Variants in ADAM18 observed in about 807,000 individuals in gnomAD.
ADAM18 encodes the protein ADAM metallopeptidase domain 18.
In ADAM18, 117 loss-of-function variants were observed where a neutral mutation model predicts 94.4. That is an observed-to-expected ratio of 1.24 (90% CI 1.07 to 1.45). The LOEUF is 1.45. ADAM18 is among the 40% of genes most tolerant of loss of function. ADAM18 has a pLI of 0.00. For synonymous variants in ADAM18, 327 were observed against 291.6 expected, an observed-to-expected ratio of 1.12 and a Z score of -1.24; for missense variants, 936 against 880.0, an observed-to-expected ratio of 1.06 and a Z score of -0.81.
At chr8:39,606,014 G>C (rs1177014716) in intron 2 of ADAM18, among the ~76,000 whole-genome samples, 1 of 152,024 alleles carries the variant, frequency 6.6e-6, no homozygotes, top group African/African-American at 2.4e-5. Flanking sequence ...ACTCACCCAG[G>C]TCACTGCAAA....
At chr8:39,726,358 C>T (rs963978291) in intron 19 of ADAM18, among the ~76,000 whole-genome samples, 5 of 151,754 alleles carry the variant, frequency 3.3e-5, no homozygotes, top group South Asian at 2.1e-4. Context: ...AACTCTTGAG[C>T]GCAAGTGGTC....
chr8:39,662,050 ATTAT>A lies in ADAM18; in HGVS notation c.1231-1741_1231-1738del, dbSNP rs747593405. Among the ~76,000 whole-genome samples the A allele has an allele frequency of 4.0e-5, 6 of 151,878 alleles. No homozygotes were observed. The East Asian group carries it at 5.8e-4, about 15-fold the overall frequency. ...CTATGCAAAATGGTCAAAATATATGATTATTTAATTCATAAATAAAATTGCACAA... is the reference window on the plus strand; with the variant it reads ...CTATGCAAAATGGTCAAAATATATGATTAATTCATAAATAAAATTGCACAA... On this transcript the variant is annotated intron_variant, in intron 12 of 19. Coordinates refer to ENST00000265707, the MANE Select transcript of ADAM18 (RefSeq NM_014237.3).
chr8:39,623,507 ATT>A (rs59705229), intron 6 of ADAM18, among the ~76,000 whole-genome samples: 447 of 147,776 alleles, frequency 3.0e-3, no homozygotes, highest in Middle Eastern at 3.5e-3. Flanking sequence ...ACATGCACAC[ATT>A]TTTTTTTTTT....
chr8:39,647,950 A>G (rs918802801), intron 11 of ADAM18, among the ~76,000 whole-genome samples: 15 of 152,168 alleles, frequency 9.9e-5, no homozygotes, highest in African/African-American at 3.4e-4. Flanking sequence ...TTCTCTTTCT[A>G]CATAGACAGA....
At chr8:39,631,746 C>T (rs1819936515) in intron 7 of ADAM18, among the ~76,000 whole-genome samples, 1 of 151,990 alleles carries the variant, frequency 6.6e-6, no homozygotes, top group Non-Finnish European at 1.5e-5. Context: ...GAATGGTTAG[C>T]TCACTTTGGA....
intron 14 of ADAM18, among the ~76,000 whole-genome samples, chr8:39,673,547 T>G (rs1301923074): frequency 6.7e-6 from 1 of 148,440 alleles, no homozygotes; most frequent in Non-Finnish European, 1.5e-5. Flanking sequence ...AATTCCCACC[T>G]ATGAGTGAGA....
intron 7 of ADAM18, among the ~76,000 whole-genome samples, chr8:39,630,820 T>C (rs1819912541): frequency 6.6e-6 from 1 of 151,972 alleles, no homozygotes; most frequent in African/African-American, 2.4e-5. Context: ...TGAAAAGTTA[T>C]TATAGTAATT....
At chr8:39,626,107 G>T (rs560502710) in intron 6 of ADAM18, among the ~76,000 whole-genome samples, 1 of 152,088 alleles carries the variant, frequency 6.6e-6, no homozygotes, top group Non-Finnish European at 1.5e-5. Context: ...TATTGGTCTA[G>T]TCAGGATTTC....
chr8:39,606,867 G>A (rs930233033), intron 3 of ADAM18, among the ~76,000 whole-genome samples: 1 of 152,142 alleles, frequency 6.6e-6, no homozygotes, highest in Non-Finnish European at 1.5e-5. Flanking sequence ...TTCTCTGGCG[G>A]GCAGGGGCGG....
At chr8:39,710,723 G>A (rs962211924) in intron 18 of ADAM18, among the ~76,000 whole-genome samples, 22 of 152,272 alleles carry the variant, frequency 1.4e-4, no homozygotes, top group African/African-American at 5.1e-4. Flanking sequence ...GAGTATTGTT[G>A]ATTACACTGG....
At chr8:39,603,757 AAGT>A (rs1818978453) in intron 2 of ADAM18, among the ~76,000 whole-genome samples, 1 of 152,156 alleles carries the variant, frequency 6.6e-6, no homozygotes, top group Non-Finnish European at 1.5e-5. Context: ...TTCAATTTTG[AAGT>A]AGTAGTTTTT....
intron 12 of ADAM18, among the ~76,000 whole-genome samples, chr8:39,663,001 T>C (rs144096210): frequency 1.5e-3 from 222 of 152,272 alleles, no homozygotes; most frequent in African/African-American, 4.7e-3. Context: ...ATTTCTATTA[T>C]AGTAAAACAT....
At chr8:39,637,021 A>T (rs879601811) in intron 7 of ADAM18, among the ~76,000 whole-genome samples, 44 of 22,054 alleles carry the variant, frequency 2.0e-3, no homozygotes, top group African/African-American at 9.6e-3. Flanking sequence ...TGTGTATTTT[A>T]TATATATATA....
chr8:39,639,047 A>T (rs1820164175), intron 10 of ADAM18, among the ~76,000 whole-genome samples: 1 of 151,988 alleles, frequency 6.6e-6, no homozygotes, highest in African/African-American at 2.4e-5. Context: ...TTTCTCAATT[A>T]GAAAATTTCT....
chr8:39,655,090 TAA>T (rs771468999), intron 12 of ADAM18, among the ~76,000 whole-genome samples: 1 of 151,488 alleles, frequency 6.6e-6, no homozygotes. Context: ...TAGTCTTGCT[TAA>T]AAAAAAACTT....
intron 19 of ADAM18, among the ~76,000 whole-genome samples, chr8:39,727,601 C>A (rs1217694310): frequency 6.6e-6 from 1 of 152,172 alleles, no homozygotes; most frequent in Non-Finnish European, 1.5e-5. Context: ...ACACACATGA[C>A]CTTTGTTCCA....
chr8:39,622,923 A>G (rs1302429205), intron 6 of ADAM18, among the ~76,000 whole-genome samples: 7 of 152,150 alleles, frequency 4.6e-5, no homozygotes, highest in Non-Finnish European at 8.8e-5. Flanking sequence ...GGGGACAGTT[A>G]CATGGATGAA....
intron 12 of ADAM18, among the ~76,000 whole-genome samples, chr8:39,661,267 C>G (rs1055747761): frequency 1.1e-4 from 16 of 149,716 alleles, no homozygotes; most frequent in African/African-American, 3.9e-4. Flanking sequence ...ATTCTCCTGC[C>G]TCAGCCTCCC....
chr8:39,696,876 T>C (rs1269194305), intron 17 of ADAM18, among the ~76,000 whole-genome samples: 2 of 151,664 alleles, frequency 1.3e-5, no homozygotes, highest in Non-Finnish European at 1.5e-5. Flanking sequence ...ATGAACTTTG[T>C]GATGCATTTT....
Sources: allele counts gnomAD v4.1 joint callset (sites outside exome capture counted in the v4.1 genomes callset), GRCh38; gene constraint gnomAD v4.1.1; transcripts MANE v1.5; gene names NCBI Gene and HGNC (gene_info 2026-07-23, HGNC 2026-07-21).